XKR6: variants seen among roughly 807,000 people sequenced by gnomAD.
XKR6 encodes the protein XK-related protein 6.
A neutral mutation model predicts 56.7 loss-of-function variants in XKR6; 22 were observed. The ratio of observed to expected loss-of-function variants is 0.39; its 90% CI spans 0.28 to 0.55. The LOEUF (loss-of-function observed/expected upper bound fraction) is 0.55. Ranked by LOEUF, XKR6 falls within the 20% of genes least tolerant of loss-of-function variation. The pLI is 0.66. For missense variants in XKR6, 852 were observed against 889.0 expected (o/e 0.96, Z 0.53); for synonymous variants, 524 against 387.8 (o/e 1.35, Z -4.13).
intron 1 of XKR6, among the ~76,000 whole-genome samples, chr8:11,194,196 G>A (rs1467846579): frequency 6.6e-6 from 1 of 152,156 alleles, no homozygotes; most frequent in Non-Finnish European, 1.5e-5. Context: ...ACAAATACCT[G>A]TAGCATAATG....
intron 1 of XKR6, among the ~76,000 whole-genome samples, chr8:11,030,768 G>A (rs1467329250): frequency 2.0e-5 from 3 of 152,152 alleles, no homozygotes; most frequent in Non-Finnish European, 4.4e-5. Flanking sequence ...TCCTAGGCGT[G>A]GAGGGTGGGA....
At chr8:11,120,965 G>C (rs1295967747) in intron 1 of XKR6, among the ~76,000 whole-genome samples, 1 of 152,172 alleles carries the variant, frequency 6.6e-6, no homozygotes, top group Non-Finnish European at 1.5e-5. Flanking sequence ...AAATGGTGCT[G>C]GGAAAACTGG....
At chr8:11,160,189 T>C (rs1801723862) in intron 1 of XKR6, among the ~76,000 whole-genome samples, 1 of 150,870 alleles carries the variant, frequency 6.6e-6, no homozygotes. Context: ...GAAGAAAATG[T>C]ACGTCAGAAA....
intron 1 of XKR6, among the ~76,000 whole-genome samples, chr8:10,948,822 C>G (rs1485541434): frequency 6.6e-6 from 1 of 152,234 alleles, no homozygotes; most frequent in Non-Finnish European, 1.5e-5. Flanking sequence ...TGTGTTGCTT[C>G]CTGGGGCCTC....
chr8:11,116,587 T>C lies in XKR6; in HGVS notation c.764+83989A>G, dbSNP rs144956708. On this transcript the variant is annotated intron_variant, in intron 1 of 2. Transcript: ENST00000416569. ...GGTTTCTCCATGTTGGCCAGGCTGG[T>C]CTCGCACTCCTGACCACAGGTGATC... Among the ~76,000 whole-genome samples the C allele has an allele frequency of 6.2e-3, 942 of 152,250 alleles. 9 individuals carry two copies. The highest frequency in any genetic ancestry group is 0.02 in the African/African-American group (816 of 41,552).
Position 11,062,400 on chromosome 8 carries a change from G to A in XKR6, c.765-137570C>T, listed in dbSNP as rs547089868. Among the ~76,000 whole-genome samples the A allele has an allele frequency of 3.9e-5, 6 of 152,230 alleles. No individual in the cohort carries two copies. The East Asian group carries it at 9.6e-4, about 24-fold the overall frequency. On this transcript the variant is annotated intron_variant, in intron 1 of 2. Coordinates refer to ENST00000416569, the MANE Select transcript of XKR6 (RefSeq NM_173683.4). ...CCTAGGTTGATGCCTTTATTTGTATGTTCCTTCATTTAGCCCCAACTCTCC... is the reference window on the plus strand; with the variant it reads ...CCTAGGTTGATGCCTTTATTTGTATATTCCTTCATTTAGCCCCAACTCTCC...
At chr8:11,108,621 G>A (rs1025169038) in intron 1 of XKR6, 6 of 303,384 alleles carry the variant, frequency 2.0e-5, no homozygotes, top group African/African-American at 8.9e-5. Flanking sequence ...GAGAGTTTCC[G>A]TCCATTTCAT....
intron 2 of XKR6, among the ~76,000 whole-genome samples, chr8:10,911,004 C>A (rs1054171238): frequency 1.3e-5 from 2 of 152,082 alleles, no homozygotes; most frequent in Non-Finnish European, 2.9e-5. Flanking sequence ...CTGTTGCTCC[C>A]AGAAGTGGCT....
chr8:11,075,027 C>T (rs950331737), intron 1 of XKR6, among the ~76,000 whole-genome samples: 1 of 152,192 alleles, frequency 6.6e-6, no homozygotes, highest in African/African-American at 2.4e-5. Flanking sequence ...GAATGGCCCA[C>T]AGGACTTGGC....
chr8:10,900,985 C>A (rs771036777), intron 2 of XKR6, among the ~76,000 whole-genome samples: 19 of 150,810 alleles, frequency 1.3e-4, no homozygotes, highest in African/African-American at 3.4e-4. Context: ...TACATGGGAC[C>A]GCAGGCATGC....
intron 1 of XKR6, among the ~76,000 whole-genome samples, chr8:11,016,064 C>T (rs967540276): frequency 8.5e-5 from 13 of 152,190 alleles, no homozygotes; most frequent in African/African-American, 3.1e-4. Context: ...CCTTCCACTG[C>T]GCCCCCACAA....
At position 11,060,849 on chromosome 8, in the gene XKR6, A is replaced by G. The variant is rs548108728; in HGVS notation, c.765-136019T>C. 5.1e-4 allele frequency among the ~76,000 whole-genome samples: 77 copies of G among 152,356 alleles called. 3 individuals carry two copies. The South Asian group carries it at 0.016, about 32-fold the overall frequency. Reference sequence around the variant, plus strand: ...GAGGAGAGACAAAATAATTCCAGTGATAGCAAGTGTGCCATAAGGGAAATA... The same window carrying G: ...GAGGAGAGACAAAATAATTCCAGTGGTAGCAAGTGTGCCATAAGGGAAATA... On this transcript the variant is annotated intron_variant, in intron 1 of 2. Transcript: ENST00000416569.
At chr8:11,100,337 G>C (rs1326632723) in intron 1 of XKR6, among the ~76,000 whole-genome samples, 3 of 152,154 alleles carry the variant, frequency 2.0e-5, no homozygotes, top group Admixed American at 2.0e-4. Flanking sequence ...TTACAAGTGT[G>C]AGCCAATCCA....
intron 1 of XKR6, among the ~76,000 whole-genome samples, chr8:11,016,457 G>C (rs747368403): frequency 1.2e-3 from 182 of 152,326 alleles, no homozygotes; most frequent in Non-Finnish European, 2.0e-3. Context: ...GGTCTCTCGA[G>C]GCGCAGACAA....
rs539911212 is a variant in XKR6, at chr8:10,970,158, A to G, written c.765-45328T>C. ...TCTGTGCTCCGGGACCCCATAACTCAGTGCATCACCACACCTTTGCATGTG... is the reference window on the plus strand; with the variant it reads ...TCTGTGCTCCGGGACCCCATAACTCGGTGCATCACCACACCTTTGCATGTG... On this transcript the variant is annotated intron_variant, in intron 1 of 2. Coordinates refer to ENST00000416569, the MANE Select transcript of XKR6 (RefSeq NM_173683.4). Among the ~76,000 whole-genome samples, 7 of 152,274 alleles carry G rather than the reference A, an allele frequency of 4.6e-5. No individual in the cohort carries two copies. In the East Asian group the frequency reaches 1.4e-3, roughly 29 times the overall value.
rs1019773000 is a variant in XKR6, at chr8:10,916,482, A to G, written c.961+8152T>C. On this transcript the variant is annotated intron_variant, in intron 2 of 2. Transcript: ENST00000416569. ...AGAAAGTATTTTCACATAAGAAAAAAGAAATCTCCCACAAAGACAGATGTG... is the reference window on the plus strand; with the variant it reads ...AGAAAGTATTTTCACATAAGAAAAAGGAAATCTCCCACAAAGACAGATGTG... Among the ~76,000 whole-genome samples the G allele has an allele frequency of 5.2e-5, 8 of 152,384 alleles. No homozygotes were observed. In the South Asian group the frequency reaches 1.4e-3, roughly 28 times the overall value.
chr8:10,897,904 G>C lies in XKR6; in HGVS notation c.*48C>G. 1 of 1,517,906 alleles carries C rather than the reference G, an allele frequency of 6.6e-7. No individual in the cohort carries two copies. The highest frequency in any genetic ancestry group is 2.3e-5 in the East Asian group (1 of 43,956). 94.0% of individuals were successfully genotyped at this position (1,517,906 alleles called of 1,614,324 possible). A position where few individuals can be genotyped will look rare whatever the true frequency, so the allele number is the denominator to read the frequency against. On this transcript the variant is annotated 3_prime_UTR_variant, in exon 3 of 3. Coordinates refer to ENST00000416569, the MANE Select transcript of XKR6 (RefSeq NM_173683.4). ...GTTATATTTCTTGCAAGTGCTGTTT[G>C]CCGCAAACCAAACTTAAGGTCCCCT...
chr8:10,938,903 A>C (rs1264487030), intron 1 of XKR6, among the ~76,000 whole-genome samples: 1 of 152,240 alleles, frequency 6.6e-6, no homozygotes, highest in Non-Finnish European at 1.5e-5. Flanking sequence ...AAAAAATGTA[A>C]AGAAAAAGAA....
chr8:10,923,123 G>A (rs541481568), intron 2 of XKR6, among the ~76,000 whole-genome samples: 2 of 152,358 alleles, frequency 1.3e-5, no homozygotes, highest in African/African-American at 2.4e-5. Context: ...GCTTCTGTGG[G>A]TGCCCAGAAA....
Sources: gnomAD v4.1 joint callset for allele counts (sites outside exome capture counted in the v4.1 genomes callset) on GRCh38, gnomAD v4.1.1 for gene constraint, MANE v1.5 for transcripts, NCBI Gene and HGNC (gene_info 2026-07-23, HGNC 2026-07-21) for gene names.